TMCC2: variants seen among roughly 807,000 people sequenced by gnomAD.
TMCC2 encodes the protein transmembrane and coiled-coil domains protein 2.
In TMCC2, 16 loss-of-function variants were observed where a neutral mutation model predicts 49.4. That is an observed-to-expected ratio of 0.32 (90% CI 0.22 to 0.49). The LOEUF (loss-of-function observed/expected upper bound fraction) is 0.49. Among genes scored for constraint, TMCC2 ranks in the 20% least tolerant of loss-of-function variants. The pLI is 0.99. For synonymous variants in TMCC2, 397 were observed against 434.1 expected, an observed-to-expected ratio of 0.91 and a Z score of 1.06; for missense variants, 762 against 989.8, an observed-to-expected ratio of 0.77 and a Z score of 3.09.
chr1:205,265,129 T>C (rs1381951512), intron 2 of TMCC2, among the ~76,000 whole-genome samples: 1 of 152,196 alleles, frequency 6.6e-6, no homozygotes, highest in East Asian at 1.9e-4. Flanking sequence ...GCTGGTGTCC[T>C]GCTGCAGGAC....
chr1:205,229,044 G>C (rs1056367545), intron 1 of TMCC2: 42 of 1,306,466 alleles, frequency 3.2e-5, no homozygotes, highest in Middle Eastern at 3.0e-4. Context: ...AATGTGTGAA[G>C]TGTTATTCGC....
Position 205,241,994 on chromosome 1 carries a change from G to A in TMCC2, c.697G>A (p.Gly233Ser), listed in dbSNP as rs753557919. 13 of 1,608,692 alleles carry A rather than the reference G, an allele frequency of 8.1e-6. No individual in the cohort carries two copies. The South Asian group carries it at 1.3e-4, about 16-fold the overall frequency. ...CGACACTGCTCTGCTGCTGGCCGAC[G>A]GCAGCAACGTGTACCTCCTGGCTGA... is the stretch of plus-strand genomic sequence containing the variant. Reference protein sequence around the residue: ...TTDTALLLADGSNVYLLAEEA... With the variant: ...TTDTALLLADSSNVYLLAEEA... The change falls in exon 2 of 5, where the codon GGC (glycine) becomes AGC (serine). Residue 233 changes from glycine to serine, a missense_variant. Physicochemically the swap from Gly to Ser is moderately conservative, Grantham distance 56. Around this residue, in one of 2 missense-constraint regions of TMCC2, gnomAD observed 322 missense variants for 353.1 expected, o/e 0.91. Transcript: ENST00000358024. The surrounding 1 kb of genome is among the most constrained non-coding windows in gnomAD (Gnocchi z 7.3).
chr1:205,267,755 G>A (rs1487110785), intron 2 of TMCC2: 5 of 315,810 alleles, frequency 1.6e-5, no homozygotes, highest in African/African-American at 6.8e-5. Flanking sequence ...TTGTCTCTCC[G>A]ACTTTGGTGC....
At chr1:205,236,068 CAAAAA>C (rs3060144) in intron 1 of TMCC2, among the ~76,000 whole-genome samples, 6 of 116,226 alleles carry the variant, frequency 5.2e-5, no homozygotes, top group Non-Finnish European at 3.6e-5. Flanking sequence ...GACTCTGTCT[CAAAAA>C]AAAAAAAAAA....
intron 2 of TMCC2, among the ~76,000 whole-genome samples, chr1:205,249,247 A>G (rs1468514949): frequency 6.6e-6 from 1 of 152,070 alleles, no homozygotes; most frequent in African/African-American, 2.4e-5. Flanking sequence ...GCGAGAGCAG[A>G]CTCTGAATGC....
chr1:205,245,372 G>A (rs1660416788), intron 2 of TMCC2, among the ~76,000 whole-genome samples: 1 of 152,196 alleles, frequency 6.6e-6, no homozygotes, highest in South Asian at 2.1e-4. Context: ...CAGTGGGAGG[G>A]CGGATGAAAG....
chr1:205,268,776 AG>A, intron 2 of TMCC2, 173 bp from the exon 3 acceptor site: 1 of 632,350 alleles, frequency 1.6e-6, no homozygotes, highest in South Asian at 2.0e-5. Flanking sequence ...GGTAGAGAGC[AG>A]ATGTGAAAGC....
At chr1:205,249,999 G>C (rs1660604175) in intron 2 of TMCC2, among the ~76,000 whole-genome samples, 1 of 152,246 alleles carries the variant, frequency 6.6e-6, no homozygotes, top group South Asian at 2.1e-4. Context: ...GATCCGAGAA[G>C]TTTCTTCCTT....
At chr1:205,249,939 C>T (rs1350798838) in intron 2 of TMCC2, among the ~76,000 whole-genome samples, 1 of 152,236 alleles carries the variant, frequency 6.6e-6, no homozygotes, top group Non-Finnish European at 1.5e-5. Context: ...GCCCCTATTA[C>T]CCAGAGGCCT....
intron 2 of TMCC2, among the ~76,000 whole-genome samples, chr1:205,259,014 G>A (rs1660993934): frequency 6.6e-6 from 1 of 152,186 alleles, no homozygotes; most frequent in Admixed American, 6.5e-5. Flanking sequence ...CGCCTGCTGG[G>A]CTCTGACCCA....
chr1:205,268,447 C>G (rs1302319980), intron 2 of TMCC2, among the ~76,000 whole-genome samples: 1 of 152,140 alleles, frequency 6.6e-6, no homozygotes, highest in Non-Finnish European at 1.5e-5. Flanking sequence ...AACCCCATCT[C>G]TACTGAAAAT....
At position 205,241,569 on chromosome 1, in the gene TMCC2, GCCGTCGGT is replaced by G; in HGVS notation, c.274_281del (p.Arg92SerfsTer24). 1.2e-6 allele frequency: 2 copies of G among 1,613,870 alleles called. No individual in the cohort carries two copies. The highest frequency in any genetic ancestry group is 1.7e-6 in the Non-Finnish European group (2 of 1,180,000). ...GGTCTGAAGCACCTGTTCCACAGCC[GCCGTCGGT>G]CTCGGGAAAGGGAGCACCAGACGTC... On this transcript the variant is annotated frameshift_variant, in exon 2 of 5. Coordinates refer to ENST00000358024, the MANE Select transcript of TMCC2 (RefSeq NM_014858.4). LOFTEE classifies it high-confidence loss of function. This position sits in a 1 kb window ranked among gnomAD's most constrained non-coding sequence, Gnocchi z 7.3.
At chr1:205,229,633 A>G in intron 1 of TMCC2, 2 of 979,734 alleles carry the variant, frequency 2.0e-6, no homozygotes, top group Non-Finnish European at 1.2e-6. Flanking sequence ...GTGCTTGGAG[A>G]TCTCTGCCTG....
At chr1:205,248,279 T>C (rs1393869512) in intron 2 of TMCC2, among the ~76,000 whole-genome samples, 3 of 152,014 alleles carry the variant, frequency 2.0e-5, no homozygotes, top group Non-Finnish European at 4.4e-5. Flanking sequence ...TGTGGTAGCG[T>C]GCACCTGTAG....
In TMCC2 at chr1:205,229,151, C is replaced by A. The variant is rs185701789; in HGVS notation, c.207+380C>A. On this transcript the variant is annotated intron_variant, in intron 1 of 4. Coordinates refer to ENST00000358024, the MANE Select transcript of TMCC2 (RefSeq NM_014858.4). ...TGAGTAAGTCTCTACCCATTGGGAT[C>A]TTTGTGTGTGTGTGTGTGTGTGTGT... is the stretch of plus-strand genomic sequence containing the variant. 1,503 of 1,014,538 alleles carry A rather than the reference C, an allele frequency of 1.5e-3. 18 individuals carry two copies. The African/African-American group carries it at 0.024, about 16-fold the overall frequency. The allele number at this position is 1,014,538 out of a possible 1,614,324, so 62.8% of individuals were successfully genotyped here. A position where few individuals can be genotyped will look rare whatever the true frequency, so the allele number is the denominator to read the frequency against.
chr1:205,228,661 C>T lies in TMCC2; in HGVS notation c.97C>T (p.Leu33Phe). Residue 33 changes from leucine (L) to phenylalanine (F), a missense_variant, in exon 1 of 5, where the codon CTC (leucine) becomes TTC (phenylalanine). Physicochemically the swap from Leu to Phe is conservative, Grantham distance 22 (BLOSUM62 0). This residue lies in a region of TMCC2 where 322 missense variants were observed against 353.1 expected (regional missense o/e 0.91). Coordinates refer to ENST00000358024, the MANE Select transcript of TMCC2 (RefSeq NM_014858.4). ...CGCTTCCCACCTGCCGGGCGCGGAC[C>T]TCCGGCCTGGGGAGACCACGGGTGC... ...DAASHLPGAD[L>F]RPGETTGANS... 6.2e-7 allele frequency: 1 copy of T among 1,613,132 alleles called. No homozygotes were observed. The highest frequency in any genetic ancestry group is 8.5e-7 in the Non-Finnish European group (1 of 1,179,858).
At chr1:205,256,159 G>T in intron 2 of TMCC2, 2 of 1,390,122 alleles carry the variant, frequency 1.4e-6, no homozygotes, top group Non-Finnish European at 1.9e-6. Flanking sequence ...CGTGACGCGT[G>T]TCGGCCATCA....
intron 2 of TMCC2, among the ~76,000 whole-genome samples, chr1:205,247,898 G>C (rs1338669859): frequency 6.6e-6 from 1 of 151,936 alleles, no homozygotes; most frequent in East Asian, 2.0e-4. Context: ...AGCTGTCCTG[G>C]AGAGGCTCAC....
intron 2 of TMCC2, among the ~76,000 whole-genome samples, chr1:205,261,441 A>G (rs1270909802): frequency 6.6e-6 from 1 of 151,840 alleles, no homozygotes; most frequent in Non-Finnish European, 1.5e-5. Flanking sequence ...GGACTCAAGC[A>G]ATTTTCCCAT....
Sources: gnomAD v4.1 joint callset for allele counts (sites outside exome capture counted in the v4.1 genomes callset) on GRCh38, gnomAD v4.1.1 for gene constraint, gnomAD v4.1.1 regional missense constraint, Gnocchi (gnomAD v3.1) non-coding constraint, MANE v1.5 for transcripts, NCBI Gene and HGNC (gene_info 2026-07-23, HGNC 2026-07-21) for gene names.